TYW1: variants seen among roughly 807,000 people sequenced by gnomAD.
The protein encoded by TYW1 is S-adenosyl-L-methionine-dependent tRNA 4-demethylwyosine synthase TYW1.
In TYW1, 46 loss-of-function variants were observed where a neutral mutation model predicts 96.2. The observed-to-expected ratio is 0.48, with a 90% CI of 0.38 to 0.61. The LOEUF (loss-of-function observed/expected upper bound fraction) is 0.61, where lower values mean the gene tolerates loss of function less well. TYW1 is among the 20% of genes least tolerant of loss of function. The probability of loss-of-function intolerance (pLI) is 0.00; values close to 1 mark genes in which losing one functional copy is unlikely to be tolerated. For synonymous variants in TYW1, 274 were observed against 323.0 expected (o/e 0.85, Z 1.63); for missense variants, 684 against 909.6 (o/e 0.75, Z 3.19).
intron 12 of TYW1, among the ~76,000 whole-genome samples, chr7:67,106,380 G>A (rs1209559941): frequency 6.6e-6 from 1 of 152,190 alleles, no homozygotes. Flanking sequence ...TCCTAGAGAG[G>A]TGCATCATAG....
intron 12 of TYW1, chr7:67,114,419 T>C (rs549955430): frequency 6.5e-6 from 1 of 153,198 alleles, no homozygotes; most frequent in South Asian, 2.1e-4. Context: ...GAGAGGGATT[T>C]TTATGTTCAT....
intron 13 of TYW1, among the ~76,000 whole-genome samples, chr7:67,158,010 T>C (rs1314090718): frequency 1.3e-5 from 2 of 152,146 alleles, no homozygotes; most frequent in Non-Finnish European, 2.9e-5. Context: ...AAGTTTGCTA[T>C]TGGCAGTAGG....
In TYW1 at chr7:67,125,089, TC is replaced by T. The variant is rs1303089129; in HGVS notation, c.1698+7474del. Among the ~76,000 whole-genome samples the T allele has an allele frequency of 3.3e-5, 5 of 152,274 alleles. No homozygotes were observed. In the East Asian group the frequency reaches 9.7e-4, roughly 29 times the overall value. ...TTCAAGTGATCCACCCACCTTGCCC[TC>T]CCAAAGTTCTGGGATTACAGGCGTG... On this transcript the variant is annotated intron_variant, in intron 13 of 15. Coordinates refer to ENST00000359626, the MANE Select transcript of TYW1 (RefSeq NM_018264.4).
At chr7:67,019,178 C>T (rs1481602632) in intron 6 of TYW1, among the ~76,000 whole-genome samples, 1 of 151,330 alleles carries the variant, frequency 6.6e-6, no homozygotes, top group Non-Finnish European at 1.5e-5. Context: ...TTCACGACCA[C>T]GGGCTCAAGT....
intron 6 of TYW1, among the ~76,000 whole-genome samples, chr7:67,024,106 A>G (rs1794368687): frequency 6.6e-6 from 1 of 152,128 alleles, no homozygotes; most frequent in Non-Finnish European, 1.5e-5. Flanking sequence ...GTGAGAGGGC[A>G]GGTGAAGTGT....
intron 13 of TYW1, among the ~76,000 whole-genome samples, chr7:67,159,509 A>G (rs1799089333): frequency 6.6e-6 from 1 of 152,154 alleles, no homozygotes; most frequent in Non-Finnish European, 1.5e-5. Flanking sequence ...AATGTTTTAC[A>G]GTATACTATA....
At chr7:67,020,685 TTC>T (rs1021311591) in intron 6 of TYW1, among the ~76,000 whole-genome samples, 24 of 152,294 alleles carry the variant, frequency 1.6e-4, no homozygotes, top group African/African-American at 5.1e-4. Context: ...CATCCTATTA[TTC>T]TCTCTCTTCC....
chr7:67,092,812 A>G (rs554289591), intron 11 of TYW1, among the ~76,000 whole-genome samples: 5 of 150,370 alleles, frequency 3.3e-5, no homozygotes, highest in African/African-American at 1.2e-4. Context: ...CCTCCCGAAT[A>G]GCTGGGATTA....
At chr7:67,210,373 A>C (rs139840155) in intron 15 of TYW1, among the ~76,000 whole-genome samples, 4 of 152,296 alleles carry the variant, frequency 2.6e-5, no homozygotes, top group Non-Finnish European at 5.9e-5. Flanking sequence ...ATGACTAACA[A>C]TGCTGACCTC....
At chr7:67,232,028 A>G (rs1226371446) in intron 15 of TYW1, among the ~76,000 whole-genome samples, 2 of 152,070 alleles carry the variant, frequency 1.3e-5, no homozygotes, top group East Asian at 1.9e-4. Context: ...TCAGGAGTTC[A>G]AGACCAGCCT....
chr7:67,172,430 C>CCTTTTTTTTTTTTTTTT lies in TYW1; in HGVS notation c.1699-10696_1699-10695insCTTTTTTTTTTTTTTTT, dbSNP rs777213368. On this transcript the variant is annotated intron_variant, in intron 13 of 15. Coordinates refer to ENST00000359626, the MANE Select transcript of TYW1 (RefSeq NM_018264.4). ...TTGAACCCCACATGACCTTACCATT[C>CCTTTTTTTTTTTTTTTT]TTTTTTTTGAGATGGAGTCTCACTC... Among the ~76,000 whole-genome samples the CCTTTTTTTTTTTTTTTT allele has an allele frequency of 9.8e-4, 141 of 143,922 alleles. 2 individuals carry two copies. The highest frequency in any genetic ancestry group is 3.6e-3 in the Middle Eastern group (1 of 278). 94.4% of individuals were successfully genotyped at this position (143,922 alleles called of 152,430 possible). A position where few individuals can be genotyped will look rare whatever the true frequency, so the allele number is the denominator to read the frequency against.
chr7:67,205,376 A>G (rs1800754367), intron 15 of TYW1, among the ~76,000 whole-genome samples: 1 of 149,296 alleles, frequency 6.7e-6, no homozygotes, highest in South Asian at 2.2e-4. Flanking sequence ...CTGACATTAT[A>G]GGATGGAGGC....
At chr7:67,084,648 GAGT>G (rs1796492423) in intron 11 of TYW1, among the ~76,000 whole-genome samples, 1 of 151,652 alleles carries the variant, frequency 6.6e-6, no homozygotes, top group South Asian at 2.1e-4. Context: ...CTTGCCTCCT[GAGT>G]AGTTGGGGCT....
chr7:67,083,586 C>T lies in TYW1; in HGVS notation c.1384+47C>T, dbSNP rs1382319577. On this transcript the variant is annotated intron_variant, in intron 11 of 15. Coordinates refer to ENST00000359626, the MANE Select transcript of TYW1 (RefSeq NM_018264.4). ...AGGAATGCTAATACCTGTTAATAGT[C>T]TGAATCAGATTGGCAGAAGAATTGC... The T allele has an allele frequency of 5.1e-6, 8 of 1,583,522 alleles. No homozygotes were observed. In the South Asian group the frequency reaches 9.1e-5, roughly 18 times the overall value.
At chr7:67,228,268 G>A (rs540438228) in intron 15 of TYW1, among the ~76,000 whole-genome samples, 194 of 152,270 alleles carry the variant, frequency 1.3e-3, no homozygotes, top group Non-Finnish European at 8.8e-4. Context: ...CATCACAATC[G>A]TGGCGGAAGG....
At chr7:67,176,715 T>C (rs1584657575) in intron 13 of TYW1, among the ~76,000 whole-genome samples, 2 of 152,224 alleles carry the variant, frequency 1.3e-5, no homozygotes, top group East Asian at 3.8e-4. Flanking sequence ...TACATGGATA[T>C]GCAAAGGGCC....
At chr7:66,997,531 G>C (rs1184938739) in intron 1 of TYW1, among the ~76,000 whole-genome samples, 1 of 152,318 alleles carries the variant, frequency 6.6e-6, no homozygotes, top group East Asian at 1.9e-4. Flanking sequence ...TCGAAGTGAA[G>C]ATACAATTTT....
chr7:67,079,087 A>G (rs1796300167), intron 10 of TYW1, among the ~76,000 whole-genome samples: 1 of 151,846 alleles, frequency 6.6e-6, no homozygotes. Context: ...TTTCAGGGTA[A>G]TACTGGCCTC....
chr7:67,041,380 G>T (rs1275063256), intron 7 of TYW1, among the ~76,000 whole-genome samples: 1 of 151,618 alleles, frequency 6.6e-6, no homozygotes, highest in Non-Finnish European at 1.5e-5. Flanking sequence ...ATCATCTCAT[G>T]GCAGCCCCCG....
Sources: allele counts gnomAD v4.1 joint callset (sites outside exome capture counted in the v4.1 genomes callset), GRCh38; gene constraint gnomAD v4.1.1; transcripts MANE v1.5; gene names NCBI Gene and HGNC (gene_info 2026-07-23, HGNC 2026-07-21).